Variants in TRPS1 observed in about 807,000 individuals in gnomAD.
TRPS1 encodes transcriptional repressor GATA binding 1.
Under a neutral mutation model 101.2 loss-of-function variants are expected in TRPS1, and 6 were observed. The ratio of observed to expected loss-of-function variants is 0.06; its 90% confidence interval spans 0.03 to 0.12. The LOEUF (loss-of-function observed/expected upper bound fraction) is 0.12, where lower values mean the gene tolerates loss of function less well. Ranked by LOEUF, TRPS1 falls within the 10% of genes least tolerant of loss-of-function variation. The pLI is 1.00. For missense variants in TRPS1, 1,363 were observed against 1,567.0 expected (o/e 0.87, Z 2.20); for synonymous variants, 578 against 589.8 (o/e 0.98, Z 0.29).
At chr8:115,568,547 A>C (rs1586411934) in intron 5 of TRPS1, among the ~76,000 whole-genome samples, 2 of 152,246 alleles carry the variant, frequency 1.3e-5, no homozygotes, top group African/African-American at 4.8e-5. Context: ...TAGTTAATTT[A>C]TTTGAAAAGT....
intron 5 of TRPS1, among the ~76,000 whole-genome samples, chr8:115,466,349 ACT>A (rs556853892): frequency 1.9e-4 from 29 of 152,246 alleles, no homozygotes; most frequent in African/African-American, 6.7e-4. Context: ...AATATCATAA[ACT>A]CTGTCATAGC....
intron 5 of TRPS1, among the ~76,000 whole-genome samples, chr8:115,435,514 C>A (rs193180627): frequency 1.3e-5 from 2 of 151,852 alleles, no homozygotes; most frequent in Non-Finnish European, 2.9e-5. Flanking sequence ...GTGGGGTACT[C>A]GGGGCTGGCA....
chr8:115,611,817 T>G (rs988631305), intron 3 of TRPS1, among the ~76,000 whole-genome samples: 3 of 152,182 alleles, frequency 2.0e-5, no homozygotes, highest in Non-Finnish European at 4.4e-5. Flanking sequence ...ATGTAATAAG[T>G]AATATAAATG....
intron 5 of TRPS1, among the ~76,000 whole-genome samples, chr8:115,557,632 G>T (rs150379921): frequency 1.3e-5 from 2 of 151,960 alleles, no homozygotes; most frequent in Non-Finnish European, 2.9e-5. Flanking sequence ...TTCCCTTTCC[G>T]CCATGATTAT....
intron 4 of TRPS1, among the ~76,000 whole-genome samples, chr8:115,587,867 G>A (rs1817603439): frequency 1.3e-5 from 2 of 151,598 alleles, no homozygotes; most frequent in African/African-American, 2.4e-5. Context: ...CATCGTGCAC[G>A]CACGCACGCA....
chr8:115,562,066 T>A (rs2130370402), intron 5 of TRPS1, among the ~76,000 whole-genome samples: 1 of 152,128 alleles, frequency 6.6e-6, no homozygotes, highest in South Asian at 2.1e-4. Flanking sequence ...ACGATAGCAG[T>A]AAGAACAAAA....
At chr8:115,427,537 C>A (rs1244147884) in intron 5 of TRPS1, among the ~76,000 whole-genome samples, 1 of 152,074 alleles carries the variant, frequency 6.6e-6, no homozygotes, top group African/African-American at 2.4e-5. Flanking sequence ...CAATTTGCAA[C>A]TGCTGAATAG....
chr8:115,631,927 G>A (rs1586476809), intron 1 of TRPS1, among the ~76,000 whole-genome samples: 3 of 152,158 alleles, frequency 2.0e-5, no homozygotes, highest in African/African-American at 4.8e-5. Context: ...TGTACAAGTC[G>A]TGAGACATAA....
chr8:115,552,988 C>T (rs1481803912), intron 5 of TRPS1, among the ~76,000 whole-genome samples: 3 of 152,104 alleles, frequency 2.0e-5, no homozygotes, highest in African/African-American at 4.8e-5. Flanking sequence ...TGTAAAAATG[C>T]ATCACTACCT....
intron 5 of TRPS1, among the ~76,000 whole-genome samples, chr8:115,460,304 CAA>C (rs1255119237): frequency 1.3e-5 from 2 of 151,676 alleles, no homozygotes; most frequent in South Asian, 2.1e-4. Flanking sequence ...CCCAGTACAT[CAA>C]GTCACACACA....
chr8:115,481,016 A>G (rs1380061260), intron 5 of TRPS1, among the ~76,000 whole-genome samples: 2 of 152,102 alleles, frequency 1.3e-5, no homozygotes, highest in African/African-American at 2.4e-5. Flanking sequence ...TATAGAGAGA[A>G]AGTATTAGGT....
chr8:115,634,897 A>C (rs1234186133), intron 1 of TRPS1, among the ~76,000 whole-genome samples: 1 of 152,030 alleles, frequency 6.6e-6, no homozygotes, highest in Non-Finnish European at 1.5e-5. Context: ...AGAAGAAAGA[A>C]AAGACAGGTT....
At chr8:115,436,148 A>C (rs1813447437) in intron 5 of TRPS1, among the ~76,000 whole-genome samples, 1 of 152,076 alleles carries the variant, frequency 6.6e-6, no homozygotes, top group Non-Finnish European at 1.5e-5. Flanking sequence ...TGTGGCAGAA[A>C]ATACAACTCA....
chr8:115,513,097 C>T (rs1079822), intron 5 of TRPS1, among the ~76,000 whole-genome samples: 84,239 of 151,496 alleles, frequency 0.56, 24,090 homozygotes, highest in East Asian at 0.84. Context: ...TCTCTTACTT[C>T]CATCCTTTTG....
chr8:115,513,556 C>A (rs1309800437), intron 5 of TRPS1, among the ~76,000 whole-genome samples: 4 of 151,592 alleles, frequency 2.6e-5, no homozygotes, highest in African/African-American at 9.7e-5. Flanking sequence ...GTTCCATAGA[C>A]AGCCAATGTC....
intron 5 of TRPS1, among the ~76,000 whole-genome samples, chr8:115,476,839 C>T (rs1814618990): frequency 6.6e-6 from 1 of 152,076 alleles, no homozygotes; most frequent in Non-Finnish European, 1.5e-5. Flanking sequence ...TTTTGATTTC[C>T]AAAGGCTTAA....
chr8:115,591,708 T>C (rs1054112971), intron 4 of TRPS1, among the ~76,000 whole-genome samples: 1 of 152,022 alleles, frequency 6.6e-6, no homozygotes, highest in East Asian at 1.9e-4. Flanking sequence ...AGGAATAAAG[T>C]ACAAAGGAAA....
intron 4 of TRPS1, among the ~76,000 whole-genome samples, chr8:115,594,406 T>C (rs1363037943): frequency 6.6e-6 from 1 of 152,082 alleles, no homozygotes; most frequent in African/African-American, 2.4e-5. Flanking sequence ...AGATAATAAA[T>C]GAATATTTTA....
At chr8:115,585,333 T>C (rs1194306388) in intron 5 of TRPS1, among the ~76,000 whole-genome samples, 1 of 152,176 alleles carries the variant, frequency 6.6e-6, no homozygotes, top group East Asian at 1.9e-4. Context: ...GCTTAATAAA[T>C]TGTCATTTCA....
Sources: allele counts gnomAD v4.1 joint callset (sites outside exome capture counted in the v4.1 genomes callset), GRCh38; gene constraint gnomAD v4.1.1; transcripts MANE v1.5; gene names NCBI Gene and HGNC (gene_info 2026-07-23, HGNC 2026-07-21).